SEMA7A: variants seen among roughly 807,000 people sequenced by gnomAD.
SEMA7A encodes semaphorin 7A (JohnMiltonHagen blood group).
In SEMA7A, 21 loss-of-function variants were observed where a neutral mutation model predicts 67.5. The observed-to-expected ratio is 0.31, with a 90% CI of 0.22 to 0.45. The LOEUF (loss-of-function observed/expected upper bound fraction) is 0.45. SEMA7A is among the 20% of genes least tolerant of loss of function. The pLI, the probability that SEMA7A is intolerant of heterozygous loss-of-function variation, is 1.00. For synonymous variants in SEMA7A, 364 were observed against 368.5 expected, an observed-to-expected ratio of 0.99 and a Z score of 0.14; for missense variants, 774 against 908.6, an observed-to-expected ratio of 0.85 and a Z score of 1.90.
In SEMA7A at chr15:74,410,497, C is replaced by CAG; in HGVS notation, c.*126_*127insCT. 1 of 1,384,494 alleles carries CAG rather than the reference C, an allele frequency of 7.2e-7. No homozygotes were observed. Among genetic ancestry groups the CAG allele is most frequent in the Non-Finnish European group, 9.8e-7 (1 of 1,022,990 alleles). 85.8% of individuals were successfully genotyped at this position (1,384,494 alleles called of 1,614,324 possible). Reference sequence around the variant, plus strand: ...GGACGTCTCCAGGCCTGGCATCCTCCACTGGGTTATTCTGTCCCCTGGAAG... The same window carrying CAG: ...GGACGTCTCCAGGCCTGGCATCCTCCAGACTGGGTTATTCTGTCCCCTGGAAG... On this transcript the variant is annotated 3_prime_UTR_variant, in exon 14 of 14. Coordinates refer to ENST00000261918, the MANE Select transcript of SEMA7A (RefSeq NM_003612.5). The surrounding 1 kb of genome is among the most constrained non-coding windows in gnomAD (Gnocchi z 7.5).
chr15:74,416,543 A>T (rs771348566), intron 7 of SEMA7A, 32 bp downstream of exon 7: 4 of 1,609,124 alleles, frequency 2.5e-6, no homozygotes, highest in Non-Finnish European at 3.4e-6. Flanking sequence ...ATGCACAGAC[A>T]CGTAGCCAGC....
At position 74,411,930 on chromosome 15, in the gene SEMA7A, G is replaced by A. The variant is rs1352362976; in HGVS notation, c.1377C>T (p.Phe459=). ...FAFNIMEIQP[F]RRAAAIQTMS... is the part of the protein sequence containing the mutation. ...TGGTCTGGATGGCAGCCGCGCGGCG[G>A]AAGGGCTGGATCTCCATGATGTTGA... The change falls in exon 11 of 14, where the codon TTC becomes TTT. Residue 459 remains phenylalanine (F), a synonymous_variant. Transcript: ENST00000261918. The surrounding 1 kb of genome is among the most constrained non-coding windows in gnomAD (Gnocchi z 4.4). The A allele has an allele frequency of 6.2e-7, 1 of 1,613,940 alleles. No individual in the cohort carries two copies. Among genetic ancestry groups the A allele is most frequent in the Non-Finnish European group, 8.5e-7 (1 of 1,180,058 alleles).
chr15:74,417,558 C>A (rs2734627), intron 5 of SEMA7A, 33 bp downstream of exon 5: 2 of 1,597,758 alleles, frequency 1.3e-6, no homozygotes, highest in Middle Eastern at 1.7e-4. Context: ...TCAGAAGCAT[C>A]CCCCTGGGGC....
At chr15:74,421,265 A>G (rs567227301) in intron 1 of SEMA7A, among the ~76,000 whole-genome samples, 2 of 152,162 alleles carry the variant, frequency 1.3e-5, no homozygotes, top group Non-Finnish European at 2.9e-5. Flanking sequence ...AAACTTCCAC[A>G]GCTCTCCAGC....
At chr15:74,433,265 C>T (rs942851373) in intron 1 of SEMA7A, among the ~76,000 whole-genome samples, 1 of 151,402 alleles carries the variant, frequency 6.6e-6, no homozygotes, top group African/African-American at 2.4e-5. Flanking sequence ...TGCCGAAGCG[C>T]GGCGGCGGCG....
intron 8 of SEMA7A, among the ~76,000 whole-genome samples, chr15:74,415,447 T>C (rs1161661822): frequency 6.6e-6 from 1 of 152,180 alleles, no homozygotes; most frequent in Non-Finnish European, 1.5e-5. Flanking sequence ...GCTCAGGCAG[T>C]GCCTGAGCAG....
intron 1 of SEMA7A, among the ~76,000 whole-genome samples, chr15:74,420,056 A>G (rs1227461435): frequency 6.6e-6 from 1 of 152,156 alleles, no homozygotes; most frequent in Non-Finnish European, 1.5e-5. Context: ...CTGTTTTTTC[A>G]GCTGCAGGAA....
chr15:74,416,016 C>T, intron 7 of SEMA7A, 31 bp from the exon 8 acceptor site: 1 of 1,604,600 alleles, frequency 6.2e-7, no homozygotes, highest in Non-Finnish European at 8.5e-7. Flanking sequence ...AGAGGCCCCT[C>T]AGCACCTGCC....
At chr15:74,419,921 T>C (rs2060985770) in intron 1 of SEMA7A, among the ~76,000 whole-genome samples, 1 of 152,206 alleles carries the variant, frequency 6.6e-6, no homozygotes, top group Non-Finnish European at 1.5e-5. Flanking sequence ...GCTGAGGTTG[T>C]CCTGGTTGCA....
chr15:74,426,245 A>C (rs959362286), intron 1 of SEMA7A, among the ~76,000 whole-genome samples: 3 of 152,220 alleles, frequency 2.0e-5, no homozygotes, highest in Admixed American at 2.0e-4. Context: ...ACTGCACTCC[A>C]GCCTGGGTGA....
In SEMA7A at chr15:74,414,534, G is replaced by A. The variant is rs1189647093; in HGVS notation, c.1294+13C>T. 1 of 1,613,130 alleles carries A rather than the reference G, an allele frequency of 6.2e-7. No individual in the cohort carries two copies. Among genetic ancestry groups the A allele is most frequent in the Non-Finnish European group, 8.5e-7 (1 of 1,179,210 alleles). On this transcript the variant is annotated intron_variant, in intron 10 of 13. Transcript: ENST00000261918. This position sits in a 1 kb window ranked among gnomAD's most constrained non-coding sequence, Gnocchi z 4.1. ...TTACAAAGCAAACTGAGGGTCCCGG[G>A]GTAGCCTCTCACCTGTAGTTAGGTA...
At chr15:74,431,882 G>C (rs2061091614) in intron 1 of SEMA7A, among the ~76,000 whole-genome samples, 2 of 152,218 alleles carry the variant, frequency 1.3e-5, no homozygotes, top group Non-Finnish European at 2.9e-5. Context: ...CCAGCCAGCG[G>C]GGCTCAACAG....
At chr15:74,417,094 T>C (rs2060956345) in intron 6 of SEMA7A, among the ~76,000 whole-genome samples, 1 of 152,172 alleles carries the variant, frequency 6.6e-6, no homozygotes, top group Admixed American at 6.5e-5. Context: ...GACCCTGCAC[T>C]GGGTCTGGGG....
At chr15:74,430,507 G>C (rs905939091) in intron 1 of SEMA7A, among the ~76,000 whole-genome samples, 6 of 152,140 alleles carry the variant, frequency 3.9e-5, no homozygotes, top group African/African-American at 1.4e-4. Flanking sequence ...CCAGGCTCCC[G>C]ACCTCCCAGC....
chr15:74,416,690 A>T lies in SEMA7A; in HGVS notation c.686T>A (p.Ile229Asn). 6.2e-7 allele frequency: 1 copy of T among 1,614,098 alleles called. No homozygotes were observed. The highest frequency in any genetic ancestry group is 8.5e-7 in the Non-Finnish European group (1 of 1,179,972). Residue 229 changes from isoleucine (I) to asparagine (N), a missense_variant, in exon 7 of 14, where the codon ATC (isoleucine) becomes AAC (asparagine). Transcript: ENST00000261918. The part of the protein sequence containing the change: ...MQNPQFIKAT[I>N]VHQDQAYDDK... The stretch of plus-strand genomic sequence containing the variant: ...ATCGTAAGCCTGGTCTTGGTGCACG[A>T]TGGTGGCTTTGATGAACTGTGGGTC...
In SEMA7A at chr15:74,433,821, A is replaced by T; in HGVS notation, c.98T>A (p.Leu33Gln). 7.3e-7 allele frequency: 1 copy of T among 1,363,000 alleles called. No individual in the cohort carries two copies. Among genetic ancestry groups the T allele is most frequent in the Middle Eastern group, 2.6e-4 (1 of 3,900 alleles). The allele number at this position is 1,363,000 out of a possible 1,614,324, so 84.4% of individuals were successfully genotyped here. The change falls in exon 1 of 14, where the codon CTG becomes CAG. Residue 33 changes from leucine to glutamine, a missense_variant. Leu to Gln is a moderately radical substitution (Grantham distance 113, BLOSUM62 -2). Transcript: ENST00000261918. ...GGCGGCCGCCCAGAGCAGCAGCAGC[A>T]GCCGCAGCCGCAGCGGAAGCCCCAA... ...ARLGLPLRLR[L>Q]LLLLWAAAAS...
intron 6 of SEMA7A, 30 bp from the exon 7 acceptor site, chr15:74,416,744 G>A (rs2060952160): frequency 1.2e-6 from 2 of 1,608,528 alleles, no homozygotes; most frequent in South Asian, 1.1e-5. Flanking sequence ...GTGGGCGTAA[G>A]GCTGGGAAGC....
intron 2 of SEMA7A, 58 bp from the exon 3 acceptor site, chr15:74,418,367 G>A (rs2060970859): frequency 6.5e-7 from 1 of 1,538,808 alleles, no homozygotes; most frequent in Non-Finnish European, 9.0e-7. Flanking sequence ...CCCCTGAAAT[G>A]CTTTCCACAC....
intron 1 of SEMA7A, among the ~76,000 whole-genome samples, chr15:74,421,991 G>A (rs1031162312): frequency 3.3e-5 from 5 of 152,192 alleles, no homozygotes; most frequent in South Asian, 2.1e-4. Flanking sequence ...TGAACAGGCC[G>A]GGAGGGAAAG....
Sources: allele counts gnomAD v4.1 joint callset (sites outside exome capture counted in the v4.1 genomes callset), GRCh38; gene constraint gnomAD v4.1.1; non-coding constraint Gnocchi (gnomAD v3.1); transcripts MANE v1.5; gene names NCBI Gene and HGNC (gene_info 2026-07-23, HGNC 2026-07-21).